DLG2: variants seen among roughly 807,000 people sequenced by gnomAD.
DLG2 encodes discs large MAGUK scaffold protein 2, also known as disks large homolog 2.
Under a neutral mutation model 132.5 loss-of-function variants are expected in DLG2, and 45 were observed. The observed-to-expected ratio is 0.34, with a 90% CI of 0.27 to 0.44. The LOEUF (loss-of-function observed/expected upper bound fraction) is 0.44. Among genes scored for constraint, DLG2 ranks in the 20% least tolerant of loss-of-function variants. DLG2 has a pLI of 1.00. For missense variants in DLG2, 1,045 were observed against 1,196.9 expected, an observed-to-expected ratio of 0.87 and a Z score of 1.87; for synonymous variants, 424 against 419.6, an observed-to-expected ratio of 1.01 and a Z score of -0.13.
intron 6 of DLG2, among the ~76,000 whole-genome samples, chr11:84,615,665 T>C (rs1033322381): frequency 1.3e-5 from 2 of 151,684 alleles, no homozygotes; most frequent in Non-Finnish European, 2.9e-5. Context: ...TTGCCCTCTG[T>C]TTCCATCTAA....
chr11:84,962,581 A>G (rs777358602), intron 6 of DLG2, among the ~76,000 whole-genome samples: 1 of 152,188 alleles, frequency 6.6e-6, no homozygotes, highest in Non-Finnish European at 1.5e-5. Context: ...CCCTAGCACA[A>G]TGCCAGGCAT....
At chr11:84,066,333 C>T (rs1432254633) in intron 10 of DLG2, among the ~76,000 whole-genome samples, 1 of 152,132 alleles carries the variant, frequency 6.6e-6, no homozygotes, top group African/African-American at 2.4e-5. Context: ...TTCCCTTGCC[C>T]ACAGTAAAAC....
intron 7 of DLG2, among the ~76,000 whole-genome samples, chr11:84,457,642 A>G (rs1317651653): frequency 2.0e-5 from 3 of 151,014 alleles, no homozygotes; most frequent in African/African-American, 7.3e-5. Context: ...GGCATTGAAC[A>G]TTAAACAGAG....
chr11:85,063,162 C>T (rs1593450296), intron 6 of DLG2, among the ~76,000 whole-genome samples: 1 of 151,780 alleles, frequency 6.6e-6, no homozygotes, highest in East Asian at 1.9e-4. Flanking sequence ...TAAGGCTTAC[C>T]ATCTCTTGGA....
chr11:85,403,340 A>C (rs1276469128), intron 3 of DLG2, among the ~76,000 whole-genome samples: 1 of 151,948 alleles, frequency 6.6e-6, no homozygotes, highest in Non-Finnish European at 1.5e-5. Flanking sequence ...GGGGCCTGTC[A>C]GTTGGTGGGG....
At chr11:84,212,783 C>T (rs189321114) in intron 8 of DLG2, among the ~76,000 whole-genome samples, 9 of 152,216 alleles carry the variant, frequency 5.9e-5, no homozygotes, top group African/African-American at 1.7e-4. Context: ...CTCAGCCTCC[C>T]GAGTAGCTGG....
At chr11:84,756,759 T>A (rs918376709) in intron 6 of DLG2, among the ~76,000 whole-genome samples, 24 of 152,326 alleles carry the variant, frequency 1.6e-4, no homozygotes, top group Non-Finnish European at 2.5e-4. Flanking sequence ...TGATTTTTTT[T>A]AATTTTTGTT....
At chr11:85,167,480 C>T (rs939350543) in intron 4 of DLG2, among the ~76,000 whole-genome samples, 3 of 152,050 alleles carry the variant, frequency 2.0e-5, no homozygotes, top group Non-Finnish European at 4.4e-5. Context: ...CTCACTTTCC[C>T]GTCACCCTGA....
At chr11:84,780,369 C>A (rs140115841) in intron 6 of DLG2, among the ~76,000 whole-genome samples, 6 of 152,052 alleles carry the variant, frequency 3.9e-5, no homozygotes, top group Admixed American at 2.6e-4. Context: ...TACATAGAAG[C>A]AACATACCTC....
intron 7 of DLG2, among the ~76,000 whole-genome samples, chr11:84,272,952 C>T (rs2097746444): frequency 6.6e-6 from 1 of 152,038 alleles, no homozygotes; most frequent in Non-Finnish European, 1.5e-5. Context: ...TTCTTTCTCA[C>T]CGATTAATGC....
At chr11:84,259,487 G>A (rs935898330) in intron 7 of DLG2, among the ~76,000 whole-genome samples, 6 of 152,036 alleles carry the variant, frequency 3.9e-5, no homozygotes, top group Admixed American at 1.3e-4. Flanking sequence ...ACATAAGACC[G>A]CTGGACTTAC....
chr11:84,833,580 T>G (rs1052829996), intron 6 of DLG2, among the ~76,000 whole-genome samples: 3 of 150,432 alleles, frequency 2.0e-5, no homozygotes. Context: ...CCCACTTTTA[T>G]CACATTTAAA....
intron 7 of DLG2, among the ~76,000 whole-genome samples, chr11:84,264,728 G>A (rs1334133319): frequency 2.6e-5 from 4 of 152,118 alleles, no homozygotes; most frequent in Non-Finnish European, 5.9e-5. Flanking sequence ...CTAGAAAGGA[G>A]ATGATAACTT....
chr11:84,129,130 GTAT>G (rs2094308242), intron 9 of DLG2, among the ~76,000 whole-genome samples: 1 of 152,092 alleles, frequency 6.6e-6, no homozygotes. Context: ...TGAAGAGATA[GTAT>G]TATAGTTAGA....
intron 19 of DLG2, among the ~76,000 whole-genome samples, chr11:83,580,137 T>A (rs2096945055): frequency 6.6e-6 from 1 of 151,970 alleles, no homozygotes; most frequent in Admixed American, 6.6e-5. Flanking sequence ...ATTTGTATCA[T>A]CATACAACTT....
At chr11:84,129,548 G>C (rs896323496) in intron 9 of DLG2, among the ~76,000 whole-genome samples, 4 of 152,066 alleles carry the variant, frequency 2.6e-5, no homozygotes, top group Non-Finnish European at 4.4e-5. Flanking sequence ...GAGATGGCCT[G>C]TCATCTTGCC....
intron 6 of DLG2, among the ~76,000 whole-genome samples, chr11:84,693,281 G>A (rs1404023558): frequency 6.6e-6 from 1 of 151,620 alleles, no homozygotes; most frequent in Non-Finnish European, 1.5e-5. Context: ...ATAGCACAAG[G>A]ACTATTTTTC....
chr11:85,044,411 G>A (rs1392540865), intron 6 of DLG2, among the ~76,000 whole-genome samples: 3 of 151,942 alleles, frequency 2.0e-5, no homozygotes, highest in African/African-American at 7.2e-5. Flanking sequence ...AATGTTAACT[G>A]TCTTGAGACT....
chr11:84,941,712 A>ATG (rs2154097751), intron 6 of DLG2, among the ~76,000 whole-genome samples: 1 of 136,376 alleles, frequency 7.3e-6, no homozygotes, highest in African/African-American at 2.7e-5. Context: ...TTTTTTTTTG[A>ATG]TGTGTCTTTT....
Sources: allele counts gnomAD v4.1 joint callset (sites outside exome capture counted in the v4.1 genomes callset), GRCh38; gene constraint gnomAD v4.1.1; transcripts MANE v1.5; gene names NCBI Gene and HGNC (gene_info 2026-07-23, HGNC 2026-07-21).